The following SGCD variants were observed in gnomAD, a reference collection of about 807,000 sequenced individuals.
SGCD encodes delta-sarcoglycan.
A neutral mutation model predicts 36.6 loss-of-function variants in SGCD; 18 were observed. The ratio of observed to expected loss-of-function variants is 0.49; its 90% CI spans 0.34 to 0.73. The LOEUF (loss-of-function observed/expected upper bound fraction) is 0.73, where lower values mean the gene tolerates loss of function less well. Among genes scored for constraint, SGCD ranks in the 30% least tolerant of loss-of-function variants. SGCD has a pLI of 0.01. For synonymous variants in SGCD, 133 were observed against 130.6 expected (o/e 1.02, Z -0.12); for missense variants, 387 against 346.7 (o/e 1.12, Z -0.92).
intron 1 of SGCD, among the ~76,000 whole-genome samples, chr5:155,930,713 T>C (rs1416831426): frequency 6.6e-6 from 1 of 152,224 alleles, no homozygotes; most frequent in Non-Finnish European, 1.5e-5. Flanking sequence ...TTCTCAAATG[T>C]CATTACTTGG....
chr5:155,778,402 T>C, the SGCD span, among the ~76,000 whole-genome samples: 2 of 152,186 alleles, frequency 1.3e-5, no homozygotes, highest in Admixed American at 1.3e-4. Context: ...AAAGACGAAA[T>C]CCAGAAAAAT....
At chr5:156,640,430 C>T (rs2312567) in intron 6 of SGCD, among the ~76,000 whole-genome samples, 12,415 of 151,932 alleles carry the variant, frequency 0.082, 667 homozygotes, top group Non-Finnish European at 0.12. Context: ...TTTACAATAT[C>T]TGTTATTTTT....
chr5:156,399,550 C>T (rs1043976672), intron 3 of SGCD, among the ~76,000 whole-genome samples: 8 of 152,122 alleles, frequency 5.3e-5, no homozygotes, highest in African/African-American at 9.7e-5. Context: ...TGGGGCTTCC[C>T]GAAAGTGTGT....
intron 1 of SGCD, among the ~76,000 whole-genome samples, chr5:155,970,211 C>G (rs969218663): frequency 2.6e-5 from 4 of 152,062 alleles, no homozygotes; most frequent in Non-Finnish European, 5.9e-5. Context: ...CTTCCAGCCC[C>G]CATCCCATTT....
the SGCD span, among the ~76,000 whole-genome samples, chr5:155,791,640 G>C: frequency 1.3e-5 from 2 of 151,894 alleles, no homozygotes; most frequent in Non-Finnish European, 2.9e-5. Context: ...GCCAAATCAA[G>C]AACACAGTCC....
At chr5:156,006,006 T>C (rs556232143) in intron 1 of SGCD, among the ~76,000 whole-genome samples, 19 of 152,318 alleles carry the variant, frequency 1.2e-4, no homozygotes, top group African/African-American at 4.6e-4. Flanking sequence ...GATCTACATT[T>C]CTCTCTTCTG....
chr5:156,401,508 A>T (rs1376793867), intron 3 of SGCD, among the ~76,000 whole-genome samples: 2 of 152,196 alleles, frequency 1.3e-5, no homozygotes, highest in Non-Finnish European at 2.9e-5. Flanking sequence ...GAGAGCTGCC[A>T]TGCAGTTAAG....
At chr5:155,880,252 C>T (rs191876799) in intron 1 of SGCD, among the ~76,000 whole-genome samples, 1 of 152,166 alleles carries the variant, frequency 6.6e-6, no homozygotes, top group East Asian at 1.9e-4. Flanking sequence ...TTAGATAGTG[C>T]TTGGCACACT....
At chr5:156,160,254 T>C (rs1339914718) in intron 3 of SGCD, among the ~76,000 whole-genome samples, 1 of 151,626 alleles carries the variant, frequency 6.6e-6, no homozygotes. Flanking sequence ...CAATGAAATT[T>C]ATTTTTAACT....
the SGCD span, among the ~76,000 whole-genome samples, chr5:155,815,562 G>A: frequency 4.6e-5 from 7 of 152,260 alleles, no homozygotes; most frequent in East Asian, 3.9e-4. Context: ...TAATTTTCTC[G>A]TGGTTCCACA....
At chr5:156,225,371 TAACAC>T (rs1214069362) in intron 3 of SGCD, among the ~76,000 whole-genome samples, 2 of 152,122 alleles carry the variant, frequency 1.3e-5, no homozygotes, top group Non-Finnish European at 2.9e-5. Context: ...TGAAGCTACT[TAACAC>T]AAAACTTTTA....
chr5:155,867,002 TAAAGA>T (rs1439794899), upstream of SGCD, among the ~76,000 whole-genome samples: 1 of 152,028 alleles, frequency 6.6e-6, no homozygotes, highest in Non-Finnish European at 1.5e-5. Context: ...GGCAAATAAA[TAAAGA>T]AAAGACTCAG....
the SGCD span, among the ~76,000 whole-genome samples, chr5:155,763,338 A>G: frequency 2.6e-5 from 4 of 152,196 alleles, no homozygotes; most frequent in Non-Finnish European, 2.9e-5. Context: ...GGGAGTACCA[A>G]TTGAAGAATA....
rs566139080 is a variant in SGCD at position 156,594,794 on chromosome 5, T to C, written c.383-138T>C. ...CTTTTGAAAACCAGTCCACTGAACA[T>C]TGAAGTCTCATACAATCTTGTTAGA... is the stretch of plus-strand genomic sequence containing the variant. On this transcript the variant is annotated intron_variant, in intron 5 of 8. Coordinates refer to ENST00000337851, the MANE Select transcript of SGCD (RefSeq NM_000337.6). The C allele has an allele frequency of 4.6e-5, 28 of 605,850 alleles. No homozygotes were observed. In the South Asian group the frequency reaches 5.5e-4, roughly 12 times the overall value. 37.5% of individuals were successfully genotyped at this position (605,850 alleles called of 1,614,324 possible). A position where few individuals can be genotyped will look rare whatever the true frequency, so the allele number is the denominator to read the frequency against.
At chr5:156,488,174 G>C (rs997192289) in intron 3 of SGCD, among the ~76,000 whole-genome samples, 1 of 138,218 alleles carries the variant, frequency 7.2e-6, no homozygotes, top group African/African-American at 2.7e-5. Context: ...AAAAAAGTCT[G>C]CCTAACATAT....
In SGCD at chr5:156,645,020, A is replaced by G. The variant is rs567761423; in HGVS notation, c.503-2444A>G. On this transcript the variant is annotated intron_variant, in intron 6 of 8. Transcript: ENST00000337851. Reference sequence around the variant, plus strand: ...TTTATGGTGATTCAGAACACTTTAGATAGATCCTGTCACATGCTTTATAAG... The same window carrying G: ...TTTATGGTGATTCAGAACACTTTAGGTAGATCCTGTCACATGCTTTATAAG... Among the ~76,000 whole-genome samples, 4 of 152,008 alleles carry G rather than the reference A, an allele frequency of 2.6e-5. No homozygotes were observed. In the East Asian group the frequency reaches 7.8e-4, roughly 29 times the overall value.
intron 1 of SGCD, among the ~76,000 whole-genome samples, chr5:156,032,057 T>A (rs1174979953): frequency 6.6e-6 from 1 of 152,194 alleles, no homozygotes; most frequent in Non-Finnish European, 1.5e-5. Context: ...TCAGTGTGTA[T>A]CTCTTCAGGT....
At chr5:156,506,838 C>T (rs1167181170) in intron 3 of SGCD, among the ~76,000 whole-genome samples, 1 of 152,176 alleles carries the variant, frequency 6.6e-6, no homozygotes, top group Non-Finnish European at 1.5e-5. Context: ...AATTCCTCTA[C>T]AAACTAAAAT....
chr5:156,458,495 G>A (rs1273820613), intron 3 of SGCD: 2 of 1,605,058 alleles, frequency 1.2e-6, no homozygotes, highest in Non-Finnish European at 1.7e-6. Flanking sequence ...CAAATGACAA[G>A]GGCTTCGTTA....
Sources: allele counts gnomAD v4.1 joint callset (sites outside exome capture counted in the v4.1 genomes callset), GRCh38; gene constraint gnomAD v4.1.1; transcripts MANE v1.5; gene names NCBI Gene and HGNC (gene_info 2026-07-23, HGNC 2026-07-21).